PRDM2: variants seen among roughly 807,000 people sequenced by gnomAD.
PRDM2 encodes the protein PR domain zinc finger protein 2.
In PRDM2, 30 loss-of-function variants were observed where a neutral mutation model predicts 130.0. The ratio of observed to expected loss-of-function variants is 0.23; its 90% CI spans 0.17 to 0.31. The LOEUF (loss-of-function observed/expected upper bound fraction) is 0.31. PRDM2 is among the 10% of genes least tolerant of loss of function. The pLI is 1.00. For synonymous variants in PRDM2, 871 were observed against 782.4 expected, an observed-to-expected ratio of 1.11 and a Z score of -1.89; for missense variants, 2,011 against 2,108.4, an observed-to-expected ratio of 0.95 and a Z score of 0.90.
At chr1:13,732,247 A>C (rs1017839896) in intron 3 of PRDM2, among the ~76,000 whole-genome samples, 1 of 152,208 alleles carries the variant, frequency 6.6e-6, no homozygotes, top group African/African-American at 2.4e-5. Context: ...CCAGTAGCTA[A>C]GTTTTCAGGA....
chr1:13,813,988 C>T (rs1645216908), intron 8 of PRDM2, among the ~76,000 whole-genome samples: 1 of 152,228 alleles, frequency 6.6e-6, no homozygotes, highest in African/African-American at 2.4e-5. Context: ...ACTGATGATG[C>T]AGGGCTTGTC....
rs116068215 is a variant in PRDM2, at chr1:13,721,279, C to T, written c.9+5665C>T. Reference sequence around the variant, plus strand: ...CATAATCTTAATTCCAAAGAGTTAGCGAAACCCTGGGATGGCTTTCTATCT... The same window carrying T: ...CATAATCTTAATTCCAAAGAGTTAGTGAAACCCTGGGATGGCTTTCTATCT... On this transcript the variant is annotated intron_variant, in intron 2 of 9. Coordinates refer to ENST00000311066, the MANE Select transcript of PRDM2 (RefSeq NM_001393986.1). Among the ~76,000 whole-genome samples, 1,478 of 152,216 alleles carry T rather than the reference C, an allele frequency of 9.7e-3. 22 individuals carry two copies. The highest frequency in any genetic ancestry group is 0.033 in the African/African-American group (1,378 of 41,518).
At chr1:13,782,909 G>C (rs369795284) in intron 8 of PRDM2, 78 bp downstream of exon 8, 12 of 1,511,228 alleles carry the variant, frequency 7.9e-6, no homozygotes, top group Non-Finnish European at 7.9e-6. Flanking sequence ...TTGGTTTCTT[G>C]TTGCTTTTTT....
intron 8 of PRDM2, among the ~76,000 whole-genome samples, chr1:13,792,178 A>C (rs992717751): frequency 2.6e-5 from 4 of 152,236 alleles, no homozygotes; most frequent in Non-Finnish European, 5.9e-5. Context: ...TTCATGTTTA[A>C]ACAGGAGCCT....
intron 8 of PRDM2, chr1:13,787,747 T>TA: frequency 1.0e-6 from 1 of 984,226 alleles, no homozygotes; most frequent in Non-Finnish European, 1.2e-6. Flanking sequence ...AGTGCTCCTG[T>TA]ATTGAACTTT....
intron 6 of PRDM2, among the ~76,000 whole-genome samples, chr1:13,756,027 G>A (rs1643942368): frequency 6.6e-6 from 1 of 151,618 alleles, no homozygotes; most frequent in Non-Finnish European, 1.5e-5. Context: ...TGAGGCGGGT[G>A]GATCACAAGG....
chr1:13,703,921 TTTGAAG>T (rs1642135931), intron 1 of PRDM2, among the ~76,000 whole-genome samples: 1 of 152,218 alleles, frequency 6.6e-6, no homozygotes, highest in South Asian at 2.1e-4. Context: ...AAGGCTTACT[TTTGAAG>T]TGCTTACCTA....
In PRDM2 at chr1:13,742,165, C is replaced by T. The variant is rs1312280690; in HGVS notation, c.384+8C>T. The T allele has an allele frequency of 6.2e-7, 1 of 1,609,872 alleles. No homozygotes were observed. The highest frequency in any genetic ancestry group is 1.7e-5 in the Admixed American group (1 of 59,754). ...TACTATAAAACTTTAAAGGTAACAGCATTAGAATTAATTTACTGTTAGTTA... is the reference window on the plus strand; with the variant it reads ...TACTATAAAACTTTAAAGGTAACAGTATTAGAATTAATTTACTGTTAGTTA... On this transcript the variant is annotated splice_region_variant and intron_variant, in intron 5 of 9. Coordinates refer to ENST00000311066, the MANE Select transcript of PRDM2 (RefSeq NM_001393986.1).
intron 6 of PRDM2, chr1:13,768,919 C>T (rs1644295181): frequency 6.4e-6 from 1 of 155,324 alleles, no homozygotes; most frequent in African/African-American, 2.4e-5. Context: ...CAACTAAGTA[C>T]ACAGTTAAAC....
At chr1:13,819,576 T>C (rs1308662325) in intron 9 of PRDM2, among the ~76,000 whole-genome samples, 1 of 152,192 alleles carries the variant, frequency 6.6e-6, no homozygotes, top group Non-Finnish European at 1.5e-5. Flanking sequence ...TTTAAAAAAA[T>C]CTCTTTATAC....
At chr1:13,741,038 T>C (rs749906834) in intron 4 of PRDM2, among the ~76,000 whole-genome samples, 19 of 152,248 alleles carry the variant, frequency 1.2e-4, no homozygotes, top group Non-Finnish European at 2.5e-4. Flanking sequence ...AAAAGACTCA[T>C]TTCTTTTGCC....
At chr1:13,725,518 C>T (rs745548869) in intron 2 of PRDM2, among the ~76,000 whole-genome samples, 24 of 152,134 alleles carry the variant, frequency 1.6e-4, no homozygotes, top group Middle Eastern at 3.2e-3. Flanking sequence ...GTCCTGTGTA[C>T]TCTTTACCCA....
At chr1:13,808,497 A>G (rs998818978) in intron 8 of PRDM2, among the ~76,000 whole-genome samples, 9 of 151,620 alleles carry the variant, frequency 5.9e-5, no homozygotes, top group African/African-American at 2.2e-4. Context: ...TTGATGCTGA[A>G]CTTGTTCAAC....
chr1:13,779,313 C>A lies in PRDM2; in HGVS notation c.1518C>A (p.His506Gln). Residue 506 changes from histidine (H) to glutamine (Q), a missense_variant, in exon 8 of 10, where the codon CAC becomes CAA. Coordinates refer to ENST00000311066, the MANE Select transcript of PRDM2 (RefSeq NM_001393986.1). This position sits in a 1 kb window ranked among gnomAD's most constrained non-coding sequence, Gnocchi z 4.9. ...TNMRRHQRRV[H>Q]ERHLIPKGVR... ...TGAGACGGCATCAGCGTAGAGTTCA[C>A]GAACGTCATCTGATTCCCAAAGGTG... The A allele has an allele frequency of 6.2e-7, 1 of 1,614,024 alleles. No individual in the cohort carries two copies. The highest frequency in any genetic ancestry group is 8.5e-7 in the Non-Finnish European group (1 of 1,179,954).
At chr1:13,813,580 A>G (rs1468052452) in intron 8 of PRDM2, among the ~76,000 whole-genome samples, 2 of 152,212 alleles carry the variant, frequency 1.3e-5, no homozygotes, top group Non-Finnish European at 2.9e-5. Flanking sequence ...AAAGGGGTAT[A>G]AAAGCACTTG....
chr1:13,756,534 G>A (rs1043583234), intron 6 of PRDM2, among the ~76,000 whole-genome samples: 1 of 152,114 alleles, frequency 6.6e-6, no homozygotes, highest in Admixed American at 6.5e-5. Flanking sequence ...GTTTAGAGGA[G>A]CTGAATGACA....
At chr1:13,796,505 C>T (rs1644924643) in intron 8 of PRDM2, among the ~76,000 whole-genome samples, 2 of 152,172 alleles carry the variant, frequency 1.3e-5, no homozygotes, top group Admixed American at 1.3e-4. Context: ...CCTGTAATCC[C>T]AGCACTTTGG....
chr1:13,749,504 C>G lies in PRDM2; in HGVS notation c.511+17C>G, dbSNP rs1354456365. 6.0e-6 allele frequency: 8 copies of G among 1,331,120 alleles called. No homozygotes were observed. The highest frequency in any genetic ancestry group is 7.9e-6 in the Non-Finnish European group (8 of 1,015,894). The allele number at this position is 1,331,120 out of a possible 1,614,324, so 82.5% of individuals were successfully genotyped here. ...GCCGGAAAGGTAGGAGCCCCCCGGC[C>G]CGCCCGCCCGGCCCCGGCGCCACGC... On this transcript the variant is annotated intron_variant, in intron 6 of 9. Coordinates refer to ENST00000311066, the MANE Select transcript of PRDM2 (RefSeq NM_001393986.1).
In PRDM2 at chr1:13,780,762, C is replaced by G. The variant is rs1469939022; in HGVS notation, c.2967C>G (p.Leu989=). Residue 989 remains leucine (L), a synonymous_variant, in exon 8 of 10, where the codon CTC becomes CTG. Coordinates refer to ENST00000311066, the MANE Select transcript of PRDM2 (RefSeq NM_001393986.1). The stretch of plus-strand genomic sequence containing the variant: ...CTGTTGCCACTCCGCCCCCTCCCCT[C>G]CTTCCTACCGTACCTCTTCCAGCCC... The part of the protein sequence containing the change: ...VLTVATPPPP[L]LPTVPLPAPS... The G allele has an allele frequency of 3.8e-6, 6 of 1,572,500 alleles. No individual in the cohort carries two copies. Among genetic ancestry groups the G allele is most frequent in the Non-Finnish European group, 5.2e-6 (6 of 1,156,842 alleles).
Sources: allele counts gnomAD v4.1 joint callset (sites outside exome capture counted in the v4.1 genomes callset), GRCh38; gene constraint gnomAD v4.1.1; non-coding constraint Gnocchi (gnomAD v3.1); transcripts MANE v1.5; gene names NCBI Gene and HGNC (gene_info 2026-07-23, HGNC 2026-07-21).